TFB2M: variants seen among roughly 807,000 people sequenced by gnomAD.
TFB2M encodes the protein transcription factor B2, mitochondrial, also known as dimethyladenosine transferase 2, mitochondrial.
In TFB2M, 44 loss-of-function variants were observed where a neutral mutation model predicts 41.3. That is an observed-to-expected ratio of 1.07 (90% CI 0.84 to 1.37). The LOEUF (loss-of-function observed/expected upper bound fraction) is 1.37. TFB2M is among the 40% of genes most tolerant of loss of function. The pLI is 0.00. For synonymous variants in TFB2M, 188 were observed against 176.8 expected, an observed-to-expected ratio of 1.06 and a Z score of -0.50; for missense variants, 496 against 490.2, an observed-to-expected ratio of 1.01 and a Z score of -0.11.
intron 6 of TFB2M, among the ~76,000 whole-genome samples, chr1:246,548,302 T>G (rs12735904): frequency 0.34 from 51,718 of 152,010 alleles, 9,999 homozygotes; most frequent in East Asian, 0.66. Context: ...TTTCAAAAGA[T>G]ATAAGAAGAG....
intron 6 of TFB2M, among the ~76,000 whole-genome samples, chr1:246,544,953 C>G (rs370772808): frequency 3.9e-5 from 6 of 152,138 alleles, no homozygotes; most frequent in South Asian, 4.2e-4. Flanking sequence ...CTACAGGCGC[C>G]CACCACCACG....
At chr1:246,541,519 A>G (rs1658858545) in intron 7 of TFB2M, among the ~76,000 whole-genome samples, 1 of 150,014 alleles carries the variant, frequency 6.7e-6, no homozygotes, top group African/African-American at 2.5e-5. Flanking sequence ...AAATAAGAAG[A>G]AAAAAAAAAG....
chr1:246,565,796 T>C, intron 1 of TFB2M, 30 bp downstream of exon 1: 2 of 1,583,388 alleles, frequency 1.3e-6, no homozygotes, highest in Non-Finnish European at 1.7e-6. Context: ...ATGATGAACA[T>C]CCAAGAAAAT....
chr1:246,547,202 T>G (rs1659046690), intron 6 of TFB2M, among the ~76,000 whole-genome samples: 1 of 152,178 alleles, frequency 6.6e-6, no homozygotes, highest in South Asian at 2.1e-4. Context: ...CAGGCTGGTC[T>G]CAGACTCTTG....
intron 6 of TFB2M, among the ~76,000 whole-genome samples, chr1:246,545,038 C>T (rs1473636414): frequency 1.4e-5 from 2 of 146,222 alleles, no homozygotes; most frequent in Non-Finnish European, 3.0e-5. Context: ...ATCTCCTGAC[C>T]TCGTGATCCG....
intron 2 of TFB2M, among the ~76,000 whole-genome samples, chr1:246,562,961 A>G (rs1393533413): frequency 6.6e-6 from 1 of 152,100 alleles, no homozygotes; most frequent in East Asian, 1.9e-4. Context: ...CCCGGCCCAC[A>G]GGAAACATTT....
chr1:246,557,269 T>C (rs945933784), intron 3 of TFB2M, 112 bp downstream of exon 3: 20 of 1,265,370 alleles, frequency 1.6e-5, no homozygotes, highest in Admixed American at 7.0e-5. Flanking sequence ...TGAGACTCCA[T>C]CTCAGAAAAC....
At chr1:246,564,311 AAAC>A (rs1558515982) in intron 2 of TFB2M, 32 bp downstream of exon 2, 2 of 1,586,136 alleles carry the variant, frequency 1.3e-6, no homozygotes, top group Non-Finnish European at 1.7e-6. Context: ...ATAGTTGAAC[AAAC>A]AATAACATAC....
In TFB2M at chr1:246,542,738, TACCAGG is replaced by T. The variant is rs1450270900; in HGVS notation, c.1020-1542_1020-1537del. Among the ~76,000 whole-genome samples, 3 of 152,210 alleles carry T rather than the reference TACCAGG, an allele frequency of 2.0e-5. No homozygotes were observed. In the East Asian group the frequency reaches 5.8e-4, roughly 29 times the overall value. On this transcript the variant is annotated intron_variant, in intron 7 of 7. Coordinates refer to ENST00000366514, the MANE Select transcript of TFB2M (RefSeq NM_022366.3). ...TAACATGTTTCTAGTCCACTGAGATTACCAGGAGCATTTTTAATATTTTGCACTATG... is the reference window on the plus strand; with the variant it reads ...TAACATGTTTCTAGTCCACTGAGATTAGCATTTTTAATATTTTGCACTATG...
rs1659174398 is a variant in TFB2M at position 246,551,264 on chromosome 1, A to G, written c.744T>C (p.His248=). The G allele has an allele frequency of 6.2e-7, 1 of 1,613,820 alleles. No homozygotes were observed. Among genetic ancestry groups the G allele is most frequent in the Non-Finnish European group, 8.5e-7 (1 of 1,179,792 alleles). Reference sequence around the variant, plus strand: ...CTAATTGCCAGATAACACTTAATACATGATACAAGTCTGGATTTCCGGGAT... The same window carrying G: ...CTAATTGCCAGATAACACTTAATACGTGATACAAGTCTGGATTTCCGGGAT... ...MADPGNPDLY[H]VLSVIWQLAC... Residue 248 remains histidine, a synonymous_variant, in exon 5 of 8, where the codon CAT becomes CAC. Transcript: ENST00000366514.
At chr1:246,542,269 T>C (rs936668526) in intron 7 of TFB2M, among the ~76,000 whole-genome samples, 13 of 150,170 alleles carry the variant, frequency 8.7e-5, no homozygotes, top group Non-Finnish European at 1.6e-4. Context: ...ATATAATATA[T>C]ATACAATATA....
At chr1:246,549,530 C>T (rs1050740968) in intron 5 of TFB2M, among the ~76,000 whole-genome samples, 10 of 151,794 alleles carry the variant, frequency 6.6e-5, no homozygotes, top group East Asian at 1.9e-4. Flanking sequence ...TGCAGTGAGC[C>T]GGGATTGTGC....
chr1:246,558,600 A>G (rs1029262839), intron 2 of TFB2M, among the ~76,000 whole-genome samples: 2 of 152,210 alleles, frequency 1.3e-5, no homozygotes, highest in African/African-American at 4.8e-5. Flanking sequence ...TGCTTTGGTC[A>G]TGGGAAGAAA....
At chr1:246,543,334 C>A (rs1298263913) in intron 7 of TFB2M, among the ~76,000 whole-genome samples, 2 of 152,186 alleles carry the variant, frequency 1.3e-5, no homozygotes, top group African/African-American at 4.8e-5. Flanking sequence ...TAATGCACAA[C>A]TTACAGGGAC....
chr1:246,557,318 G>T, intron 3 of TFB2M, 63 bp downstream of exon 3: 6 of 1,511,844 alleles, frequency 4.0e-6, no homozygotes, highest in Non-Finnish European at 5.4e-6. Context: ...CAACAAATCA[G>T]TTATACTGCT....
At chr1:246,550,433 G>GA (rs970011104) in intron 5 of TFB2M, among the ~76,000 whole-genome samples, 17 of 150,980 alleles carry the variant, frequency 1.1e-4, no homozygotes, top group African/African-American at 3.7e-4. Flanking sequence ...TTTTTGAGGG[G>GA]AAAAAAAAAG....
chr1:246,564,062 G>A (rs147845489), intron 2 of TFB2M, among the ~76,000 whole-genome samples: 1 of 152,200 alleles, frequency 6.6e-6, no homozygotes, highest in Non-Finnish European at 1.5e-5. Flanking sequence ...TAGAAATGGG[G>A]AAACAAGCCT....
chr1:246,547,702 G>T (rs1396988824), intron 6 of TFB2M, among the ~76,000 whole-genome samples: 1 of 151,524 alleles, frequency 6.6e-6, no homozygotes, highest in African/African-American at 2.4e-5. Context: ...TTAAAGACAG[G>T]CATCTAATTC....
intron 4 of TFB2M, among the ~76,000 whole-genome samples, chr1:246,553,974 T>C: frequency 6.6e-6 from 1 of 152,242 alleles, no homozygotes; most frequent in Admixed American, 6.5e-5. Flanking sequence ...AACACAGTGT[T>C]GTCTTGGCCT....
Sources: allele counts gnomAD v4.1 joint callset (sites outside exome capture counted in the v4.1 genomes callset), GRCh38; gene constraint gnomAD v4.1.1; transcripts MANE v1.5; gene names NCBI Gene and HGNC (gene_info 2026-07-23, HGNC 2026-07-21).